The following RIPOR3 variants were observed in gnomAD, a reference collection of about 807,000 sequenced individuals.
RIPOR3 encodes family with sequence similarity 65 member C.
In RIPOR3, 95 loss-of-function variants were observed where a neutral mutation model predicts 114.3. The ratio of observed to expected loss-of-function variants is 0.83; its 90% CI spans 0.70 to 0.99. The LOEUF is 0.99. RIPOR3 is among the 50% of genes least tolerant of loss of function. The pLI, the probability that RIPOR3 is intolerant of heterozygous loss-of-function variation, is 0.00. For synonymous variants in RIPOR3, 575 were observed against 543.8 expected (o/e 1.06, Z -0.80); for missense variants, 1,252 against 1,266.9 (o/e 0.99, Z 0.18).
At chr20:50,677,998 A>C (rs573825833) in intron 1 of RIPOR3, among the ~76,000 whole-genome samples, 1 of 152,278 alleles carries the variant, frequency 6.6e-6, no homozygotes, top group South Asian at 2.1e-4. Context: ...GTCTGCTTTC[A>C]GATGAGGACA....
At chr20:50,589,896 G>A in intron 19 of RIPOR3, 127 bp from the exon 20 acceptor site, 1 of 739,944 alleles carries the variant, frequency 1.4e-6, no homozygotes, top group Non-Finnish European at 2.4e-6. Context: ...ACAACGTTCA[G>A]GACACGATCG....
intron 20 of RIPOR3, 31 bp downstream of exon 20, chr20:50,589,655 T>G: frequency 6.2e-7 from 1 of 1,608,326 alleles, no homozygotes; most frequent in South Asian, 1.1e-5. Context: ...GGCTTTTCTA[T>G]CAGCCACTAA....
chr20:50,588,263 T>G (rs2082987546), intron 20 of RIPOR3, among the ~76,000 whole-genome samples: 1 of 152,242 alleles, frequency 6.6e-6, no homozygotes, highest in Non-Finnish European at 1.5e-5. Context: ...TTCGCCCAAC[T>G]CAGGCACATG....
At chr20:50,666,193 T>TCTTTCCTTTCCTTTCCTTTCCTTTCC (rs55980448) in intron 1 of RIPOR3, among the ~76,000 whole-genome samples, 2 of 28,112 alleles carry the variant, frequency 7.1e-5, no homozygotes, top group Non-Finnish European at 1.1e-4. Context: ...ATTTCTTTTC[T>TCTTTCCTTTCCTTTCCTTTCCTTTCC]TTTCTTTTCT....
intron 1 of RIPOR3, among the ~76,000 whole-genome samples, chr20:50,689,630 G>A (rs1472607072): frequency 2.0e-5 from 3 of 152,156 alleles, no homozygotes; most frequent in Admixed American, 6.6e-5. Flanking sequence ...TTTTAAAGAC[G>A]AGGAAGCTGA....
rs751148630 is a variant in RIPOR3, at chr20:50,594,376, G to A, written c.2212+177C>T. Among the ~76,000 whole-genome samples, 54 of 151,572 alleles carry A rather than the reference G, an allele frequency of 3.6e-4. No homozygotes were observed. The highest frequency in any genetic ancestry group is 5.6e-4 in the Non-Finnish European group (38 of 67,938). ...AGGCCCCACGTGGAGGCCCCTTCTC[G>A]CCCGGTGAAAGGGCGGTGACTCGCA... On this transcript the variant is annotated intron_variant, in intron 17 of 21. Transcript: ENST00000327979.
intron 2 of RIPOR3, among the ~76,000 whole-genome samples, chr20:50,629,225 C>T (rs1049667797): frequency 1.3e-5 from 2 of 152,116 alleles, no homozygotes; most frequent in Non-Finnish European, 2.9e-5. Flanking sequence ...GGTTTCAAGT[C>T]GGGGAAGAGC....
chr20:50,601,749 C>A (rs1164957450), intron 13 of RIPOR3, among the ~76,000 whole-genome samples: 2 of 152,176 alleles, frequency 1.3e-5, no homozygotes, highest in Non-Finnish European at 2.9e-5. Flanking sequence ...GCGACCCTGA[C>A]AACACTCCAA....
At chr20:50,628,482 C>A (rs2084702865) in intron 2 of RIPOR3, among the ~76,000 whole-genome samples, 1 of 152,124 alleles carries the variant, frequency 6.6e-6, no homozygotes, top group South Asian at 2.1e-4. Context: ...CTGCCTCCCG[C>A]CGCCGAAGGC....
intron 1 of RIPOR3, among the ~76,000 whole-genome samples, chr20:50,682,032 T>C (rs923688295): frequency 6.6e-6 from 1 of 152,192 alleles, no homozygotes; most frequent in Admixed American, 6.5e-5. Context: ...GTACAACCAT[T>C]AGAAGATAAT....
intron 12 of RIPOR3, among the ~76,000 whole-genome samples, chr20:50,604,076 G>C (rs985495911): frequency 6.6e-6 from 1 of 152,082 alleles, no homozygotes; most frequent in African/African-American, 2.4e-5. Flanking sequence ...CAGCTACTCG[G>C]GAGGCTGAGG....
chr20:50,587,940 A>G, intron 20 of RIPOR3, 48 bp from the exon 21 acceptor site: 2 of 1,575,514 alleles, frequency 1.3e-6, no homozygotes, highest in Non-Finnish European at 1.7e-6. Context: ...CCTTCTCAAC[A>G]GCAGGTAGAG....
At chr20:50,636,541 G>A (rs1336781719) in intron 1 of RIPOR3, 1 of 985,088 alleles carries the variant, frequency 1.0e-6, no homozygotes, top group Non-Finnish European at 1.2e-6. Context: ...CTGGGCCCCA[G>A]GGCAGAGAAG....
chr20:50,592,451 T>A lies in RIPOR3; in HGVS notation c.2470A>T (p.Thr824Ser). 6.2e-7 allele frequency: 1 copy of A among 1,612,380 alleles called. No individual in the cohort carries two copies. The highest frequency in any genetic ancestry group is 8.5e-7 in the Non-Finnish European group (1 of 1,179,364). ...TGGAGCAGCGCCCAGGCTCTTAAGG[T>A]CTGGGGCAGAGGCTGGAGCTGGCCC... ...RLGQLQPLPQ[T>S]LRAWALLQLD... The change falls in exon 19 of 22, where the codon ACC becomes TCC. Residue 824 changes from threonine (T) to serine (S), a missense_variant. Physicochemically the swap from Thr to Ser is moderately conservative, Grantham distance 58. Coordinates refer to ENST00000327979, the MANE Select transcript of RIPOR3 (RefSeq NM_001290268.2).
At chr20:50,630,934 A>G (rs1181588371) in intron 1 of RIPOR3, 78 bp from the exon 2 acceptor site, 8 of 1,122,922 alleles carry the variant, frequency 7.1e-6, no homozygotes, top group Admixed American at 2.0e-5. Context: ...ACCTTCCACC[A>G]ACACCTACAG....
chr20:50,609,089 T>C, intron 8 of RIPOR3, 134 bp from the exon 9 acceptor site: 5 of 1,356,340 alleles, frequency 3.7e-6, no homozygotes, highest in Non-Finnish European at 5.1e-6. Flanking sequence ...AGGTACACCA[T>C]CATGATGGAA....
intron 11 of RIPOR3, among the ~76,000 whole-genome samples, chr20:50,605,084 G>A (rs1474852023): frequency 6.6e-6 from 1 of 152,034 alleles, no homozygotes; most frequent in African/African-American, 2.4e-5. Context: ...CACCATGCTG[G>A]ACTAATTTTT....
Position 50,602,502 on chromosome 20 carries a change from A to G in RIPOR3, c.1229T>C (p.Phe410Ser), listed in dbSNP as rs1038381728. The G allele has an allele frequency of 6.4e-7, 1 of 1,562,414 alleles. No individual in the cohort carries two copies. Among genetic ancestry groups the G allele is most frequent in the Admixed American group, 1.9e-5 (1 of 52,736 alleles). Residue 410 changes from phenylalanine (F) to serine (S), a missense_variant, in exon 13 of 22, where the codon TTC (phenylalanine) becomes TCC (serine). By Grantham distance (155) the Phe-to-Ser change is radical. Transcript: ENST00000327979. The surrounding 1 kb of genome is among the most constrained non-coding windows in gnomAD (Gnocchi z 4.3). ...CGTGTCTCGGGGGTCCTCAGAGCTG[A>G]AGGAGTCCATCTCAGGCAGCTCCTG... Reference protein sequence around the residue: ...QSQELPEMDSFSSEDPRDTET... With the variant: ...QSQELPEMDSSSSEDPRDTET...
intron 1 of RIPOR3, among the ~76,000 whole-genome samples, chr20:50,659,542 G>A (rs2123449125): frequency 6.6e-6 from 1 of 151,340 alleles, no homozygotes; most frequent in Non-Finnish European, 1.5e-5. Flanking sequence ...AGCTACTCGG[G>A]AGGCTGAGGC....
Sources: gnomAD v4.1 joint callset for allele counts (sites outside exome capture counted in the v4.1 genomes callset) on GRCh38, gnomAD v4.1.1 for gene constraint, Gnocchi (gnomAD v3.1) non-coding constraint, MANE v1.5 for transcripts, NCBI Gene and HGNC (gene_info 2026-07-23, HGNC 2026-07-21) for gene names.